The following GALNT2 variants were observed in gnomAD, a reference collection of about 807,000 sequenced individuals.
The protein encoded by GALNT2 is UDP-GalNAc:polypeptide N-acetylgalactosaminyltransferase 2.
Under a neutral mutation model 81.4 loss-of-function variants are expected in GALNT2, and 31 were observed. The observed-to-expected ratio is 0.38, with a 90% CI of 0.29 to 0.51. GALNT2 has a LOEUF of 0.51. GALNT2 is among the 20% of genes least tolerant of loss of function. The pLI, the probability that GALNT2 is intolerant of heterozygous loss-of-function variation, is 0.87. For synonymous variants in GALNT2, 303 were observed against 287.4 expected (o/e 1.05, Z -0.55); for missense variants, 629 against 765.7 (o/e 0.82, Z 2.11).
At position 230,279,631 on chromosome 1, in the gene GALNT2, C is replaced by T. The variant is rs772984863; in HGVS notation, c.*173C>T. 28 of 798,202 alleles carry T rather than the reference C, an allele frequency of 3.5e-5. No individual in the cohort carries two copies. Among genetic ancestry groups the T allele is most frequent in the Non-Finnish European group, 4.6e-5 (24 of 518,008 alleles). The allele number at this position is 798,202 out of a possible 1,614,324, so 49.4% of individuals were successfully genotyped here. On this transcript the variant is annotated 3_prime_UTR_variant, in exon 16 of 16. Coordinates refer to ENST00000366672, the MANE Select transcript of GALNT2 (RefSeq NM_004481.5). This position sits in a 1 kb window ranked among gnomAD's most constrained non-coding sequence, Gnocchi z 4.6. The stretch of plus-strand genomic sequence containing the variant: ...ACGGACGACTGTGCAGACACAGCAG[C>T]GGCAAGAAGCGAGAACTGCCCTCCC...
intron 1 of GALNT2, among the ~76,000 whole-genome samples, chr1:230,139,914 C>T (rs1661674551): frequency 6.6e-6 from 1 of 152,168 alleles, no homozygotes; most frequent in Non-Finnish European, 1.5e-5. Context: ...GTGGGCTGGT[C>T]ATTCAGGTTG....
chr1:230,076,553 A>T (rs1659563431), intron 1 of GALNT2, among the ~76,000 whole-genome samples: 1 of 152,114 alleles, frequency 6.6e-6, no homozygotes, highest in African/African-American at 2.4e-5. Flanking sequence ...TGTGGGTAAC[A>T]CTGAGCTTCT....
rs572939957 is a variant in GALNT2 at position 230,269,102 on chromosome 1, T to G, written c.1440+3735T>G. On this transcript the variant is annotated intron_variant, in intron 14 of 15. Coordinates refer to ENST00000366672, the MANE Select transcript of GALNT2 (RefSeq NM_004481.5). ...ACTCCCTGCTCACTCTCTGTCCCCC[T>G]CCAATGGCCACATCCTGGGATTGCT... Among the ~76,000 whole-genome samples, 211 of 151,236 alleles carry G rather than the reference T, an allele frequency of 1.4e-3. 1 individual carries two copies. Among genetic ancestry groups the G allele is most frequent in the African/African-American group, 5.0e-3 (204 of 41,196 alleles).
At chr1:230,180,647 A>G (rs537467581) in intron 2 of GALNT2, among the ~76,000 whole-genome samples, 13 of 152,298 alleles carry the variant, frequency 8.5e-5, no homozygotes, top group Non-Finnish European at 1.8e-4. Flanking sequence ...AATATCCACA[A>G]AACAACTTGC....
At position 230,271,816 on chromosome 1, in the gene GALNT2, C is replaced by T. The variant is rs1666168339; in HGVS notation, c.1441-2629C>T. ...CTCCGCATGTCCGGCAGCCACATCC[C>T]GGAGTGCAAGGACTTTGACGGAGGC... On this transcript the variant is annotated intron_variant, in intron 14 of 15. Transcript: ENST00000366672. The surrounding 1 kb of genome is among the most constrained non-coding windows in gnomAD (Gnocchi z 4.2). Among the ~76,000 whole-genome samples, 1 of 152,192 alleles carries T rather than the reference C, an allele frequency of 6.6e-6. No homozygotes were observed. The highest frequency in any genetic ancestry group is 1.5e-5 in the Non-Finnish European group (1 of 68,036).
intron 3 of GALNT2, among the ~76,000 whole-genome samples, chr1:230,205,966 G>A (rs969267917): frequency 8.5e-5 from 13 of 152,200 alleles, no homozygotes; most frequent in East Asian, 1.9e-4. Flanking sequence ...GAAAGCGTCC[G>A]TGTAGCTTTT....
At chr1:230,165,660 T>C (rs1354719927) in intron 1 of GALNT2, among the ~76,000 whole-genome samples, 1 of 152,254 alleles carries the variant, frequency 6.6e-6, no homozygotes, top group Non-Finnish European at 1.5e-5. Flanking sequence ...TGAGATAGTA[T>C]GGAGAATGTC....
intron 3 of GALNT2, among the ~76,000 whole-genome samples, chr1:230,228,177 A>C (rs1257323462): frequency 1.3e-5 from 2 of 152,236 alleles, no homozygotes; most frequent in South Asian, 4.1e-4. Flanking sequence ...ATTGTAAAAC[A>C]TAACTGAAGG....
chr1:230,152,669 TAAG>T (rs1020464136), intron 1 of GALNT2, among the ~76,000 whole-genome samples: 11 of 152,176 alleles, frequency 7.2e-5, no homozygotes, highest in Admixed American at 4.6e-4. Context: ...AGGAGGGAAA[TAAG>T]AAGAAGCTAT....
At chr1:230,253,719 A>G (rs562225524) in intron 10 of GALNT2, among the ~76,000 whole-genome samples, 1 of 151,690 alleles carries the variant, frequency 6.6e-6, no homozygotes, top group South Asian at 2.1e-4. Context: ...GTTATTTGAA[A>G]CTCTGTATAT....
At chr1:230,171,458 G>A (rs1464243632) in intron 1 of GALNT2, among the ~76,000 whole-genome samples, 2 of 152,192 alleles carry the variant, frequency 1.3e-5, no homozygotes, top group Non-Finnish European at 2.9e-5. Context: ...AAATAACAGT[G>A]AAAACTAGAC....
intron 1 of GALNT2, among the ~76,000 whole-genome samples, chr1:230,173,873 A>G (rs590820): frequency 0.56 from 85,190 of 152,066 alleles, 26,477 homozygotes; most frequent in African/African-American, 0.85. Flanking sequence ...AGGCGAAGCC[A>G]GTACAATCAA....
intron 15 of GALNT2, among the ~76,000 whole-genome samples, chr1:230,276,133 CATAT>C (rs983090294): frequency 6.6e-6 from 1 of 151,574 alleles, no homozygotes; most frequent in Non-Finnish European, 1.5e-5. Flanking sequence ...CAGATATATA[CATAT>C]ATATACACAC....
At chr1:230,182,890 G>A (rs1193275986) in intron 2 of GALNT2, among the ~76,000 whole-genome samples, 1 of 152,134 alleles carries the variant, frequency 6.6e-6, no homozygotes, top group African/African-American at 2.4e-5. Flanking sequence ...TATCTATCAT[G>A]AACTGCATGG....
At chr1:230,209,916 C>T (rs1022637735) in intron 3 of GALNT2, among the ~76,000 whole-genome samples, 4 of 152,204 alleles carry the variant, frequency 2.6e-5, no homozygotes, top group African/African-American at 7.2e-5. Context: ...ACAGCATGAC[C>T]GGCAGGCCAG....
intron 1 of GALNT2, among the ~76,000 whole-genome samples, chr1:230,122,614 C>CTGTG (rs3033644): frequency 6.6e-5 from 10 of 150,920 alleles, no homozygotes; most frequent in African/African-American, 1.7e-4. Flanking sequence ...AAGGGTGGCT[C>CTGTG]TGTGTGTGTG....
At chr1:230,250,891 C>A (rs1665526955) in intron 10 of GALNT2, among the ~76,000 whole-genome samples, 1 of 152,156 alleles carries the variant, frequency 6.6e-6, no homozygotes, top group Admixed American at 6.5e-5. Context: ...AGCTCAGATT[C>A]ATGCTGAGTG....
chr1:230,229,712 T>C (rs953445419), intron 3 of GALNT2, among the ~76,000 whole-genome samples: 4 of 152,176 alleles, frequency 2.6e-5, no homozygotes, highest in Admixed American at 6.5e-5. Flanking sequence ...TGGAAAGCAG[T>C]GTAGCAGTGA....
At chr1:230,088,832 C>A (rs565894504) in intron 1 of GALNT2, among the ~76,000 whole-genome samples, 11 of 152,210 alleles carry the variant, frequency 7.2e-5, no homozygotes, top group African/African-American at 2.6e-4. Flanking sequence ...CCACCGCGCC[C>A]GGCCACTTCT....
Sources: gnomAD v4.1 joint callset for allele counts (sites outside exome capture counted in the v4.1 genomes callset) on GRCh38, gnomAD v4.1.1 for gene constraint, Gnocchi (gnomAD v3.1) non-coding constraint, MANE v1.5 for transcripts, NCBI Gene and HGNC (gene_info 2026-07-23, HGNC 2026-07-21) for gene names.